ZNF638: variants seen among roughly 807,000 people sequenced by gnomAD.
ZNF638 encodes the protein zinc finger protein 638.
A neutral mutation model predicts 195.6 loss-of-function variants in ZNF638; 46 were observed. The observed-to-expected ratio is 0.24, with a 90% CI of 0.19 to 0.30. ZNF638 has a LOEUF of 0.30. ZNF638 is among the 10% of genes least tolerant of loss of function. The pLI, the probability that ZNF638 is intolerant of heterozygous loss-of-function variation, is 1.00. For synonymous variants in ZNF638, 845 were observed against 772.0 expected (o/e 1.09, Z -1.57); for missense variants, 2,440 against 2,325.3 (o/e 1.05, Z -1.01).
At chr2:71,347,498 C>G (rs2078870287) in intron 1 of ZNF638, among the ~76,000 whole-genome samples, 1 of 152,176 alleles carries the variant, frequency 6.6e-6, no homozygotes, top group Admixed American at 6.5e-5. Context: ...TTGAACCAGA[C>G]AGTGATGGTT....
At chr2:71,402,868 T>C (rs1486599984) in intron 16 of ZNF638, among the ~76,000 whole-genome samples, 1 of 152,100 alleles carries the variant, frequency 6.6e-6, no homozygotes, top group African/African-American at 2.4e-5. Flanking sequence ...GAAAGTAGAA[T>C]AGGATATATG....
chr2:71,372,796 A>G (rs984755910), intron 8 of ZNF638, among the ~76,000 whole-genome samples: 2 of 152,234 alleles, frequency 1.3e-5, no homozygotes, highest in Non-Finnish European at 2.9e-5. Context: ...TAGAGGTTCT[A>G]TAACACACAT....
rs1449433631 is a variant in ZNF638, at chr2:71,363,195, A to G, written c.1418+4A>G. 3 of 1,573,642 alleles carry G rather than the reference A, an allele frequency of 1.9e-6. No individual in the cohort carries two copies. Among genetic ancestry groups the G allele is most frequent in the Non-Finnish European group, 1.7e-6 (2 of 1,153,266 alleles). Reference sequence around the variant, plus strand: ...CTGAGATCCTCCCATCGAGAAGGTAATTTTTAAAAATAGTAATATTATTAA... The same window carrying G: ...CTGAGATCCTCCCATCGAGAAGGTAGTTTTTAAAAATAGTAATATTATTAA... On this transcript the variant is annotated splice_donor_region_variant and intron_variant, in intron 4 of 27. Transcript: ENST00000264447.
intron 8 of ZNF638, among the ~76,000 whole-genome samples, chr2:71,372,782 T>G (rs971761534): frequency 5.3e-5 from 8 of 152,244 alleles, no homozygotes; most frequent in Admixed American, 3.3e-4. Context: ...GAATGGCTAC[T>G]TTATAGAGGT....
chr2:71,386,884 G>A (rs544495592), intron 10 of ZNF638, among the ~76,000 whole-genome samples: 1 of 147,374 alleles, frequency 6.8e-6, no homozygotes, highest in African/African-American at 2.5e-5. Context: ...TTTTTTTTCT[G>A]TTGCCCAGGC....
In ZNF638 at chr2:71,363,146, A is replaced by C; in HGVS notation, c.1380-7A>C. ...CTGTTAGTTAATATTGTTTATTTTC[A>C]AAATAGGTATCCTGATTGGAATCCT... On this transcript the variant is annotated splice_polypyrimidine_tract_variant and splice_region_variant and intron_variant, in intron 3 of 27. Coordinates refer to ENST00000264447, the MANE Select transcript of ZNF638 (RefSeq NM_014497.5). The C allele has an allele frequency of 6.3e-7, 1 of 1,592,642 alleles. No homozygotes were observed.
intron 10 of ZNF638, among the ~76,000 whole-genome samples, chr2:71,389,930 A>G (rs915840411): frequency 3.3e-5 from 5 of 152,232 alleles, no homozygotes; most frequent in African/African-American, 7.2e-5. Context: ...GAGCACGTCA[A>G]CTGGTGGGGA....
chr2:71,365,697 C>G lies in ZNF638; in HGVS notation c.1986C>G (p.Leu662=). The G allele has an allele frequency of 1.2e-6, 2 of 1,608,390 alleles. No individual in the cohort carries two copies. The highest frequency in any genetic ancestry group is 1.7e-6 in the Non-Finnish European group (2 of 1,177,920). The change falls in exon 6 of 28, where the codon CTC becomes CTG. Residue 662 remains leucine, a synonymous_variant. Transcript: ENST00000264447. ...AGGTGTCTGATAAAGCTGTTTCTCT[C>G]CAGCGAAAGGTAATTCTTTAATTAA... is the stretch of plus-strand genomic sequence containing the variant. ...CKQVSDKAVS[L]QRKLRKEQSL...
intron 8 of ZNF638, among the ~76,000 whole-genome samples, chr2:71,373,021 T>C (rs1300276859): frequency 6.6e-6 from 1 of 152,224 alleles, no homozygotes; most frequent in Non-Finnish European, 1.5e-5. Context: ...GTTTTTTAGG[T>C]GATACCTACC....
chr2:71,434,821 A>C lies in ZNF638; in HGVS notation c.*14A>C, dbSNP rs772847655. 3 of 1,583,514 alleles carry C rather than the reference A, an allele frequency of 1.9e-6. No individual in the cohort carries two copies. The highest frequency in any genetic ancestry group is 1.9e-5 in the Admixed American group (1 of 52,836). The stretch of plus-strand genomic sequence containing the variant: ...AGCTCTAGGTGATTGGGGGAAAGGA[A>C]AGAATTCACTAGAAATTTGTTTAGG... On this transcript the variant is annotated 3_prime_UTR_variant, in exon 28 of 28. Transcript: ENST00000264447.
chr2:71,332,763 A>G (rs2078595490), intron 1 of ZNF638: 2 of 152,330 alleles, frequency 1.3e-5, no homozygotes, highest in South Asian at 4.1e-4. Flanking sequence ...TTACAAAATC[A>G]TGGATTGAGC....
intron 2 of ZNF638, among the ~76,000 whole-genome samples, chr2:71,353,243 T>C (rs2078971723): frequency 6.6e-6 from 1 of 152,234 alleles, no homozygotes; most frequent in South Asian, 2.1e-4. Context: ...ACGTGAAATG[T>C]ATTTGCTTGT....
chr2:71,419,962 A>ACCCCCC (rs11374629), intron 21 of ZNF638, among the ~76,000 whole-genome samples: 4 of 28,492 alleles, frequency 1.4e-4, no homozygotes, highest in Non-Finnish European at 2.4e-4. Flanking sequence ...CTTAATTCCC[A>ACCCCCC]CCCCCCCCCG....
chr2:71,349,865 T>C lies in ZNF638; in HGVS notation c.911T>C (p.Val304Ala). 6.2e-7 allele frequency: 1 copy of C among 1,614,146 alleles called. No homozygotes were observed. Among genetic ancestry groups the C allele is most frequent in the Non-Finnish European group, 8.5e-7 (1 of 1,180,026 alleles). Residue 304 changes from valine (V) to alanine (A), a missense_variant, in exon 2 of 28, where the codon GTC becomes GCC. Physicochemically the swap from Val to Ala is moderately conservative, Grantham distance 64. Coordinates refer to ENST00000264447, the MANE Select transcript of ZNF638 (RefSeq NM_014497.5). ...SGLHISGGQS[V>A]LEPIKSVNQS... Reference sequence around the variant, plus strand: ...TTACACATTTCAGGAGGACAGTCAGTCCTTGAACCCATAAAATCCGTCAAC... The same window carrying C: ...TTACACATTTCAGGAGGACAGTCAGCCCTTGAACCCATAAAATCCGTCAAC...
chr2:71,429,392 A>G (rs2080608496), intron 25 of ZNF638, among the ~76,000 whole-genome samples: 1 of 152,144 alleles, frequency 6.6e-6, no homozygotes, highest in Non-Finnish European at 1.5e-5. Flanking sequence ...ACTATTTCCT[A>G]ACCAGATGTA....
chr2:71,363,830 A>G lies in ZNF638; in HGVS notation c.1419-124A>G, dbSNP rs543245594. On this transcript the variant is annotated intron_variant, in intron 4 of 27. Transcript: ENST00000264447. ...ACAAACAGATTTTTGTTTTAAGTACATATCTTTTATGAGAGTTTGGTATTG... is the reference window on the plus strand; with the variant it reads ...ACAAACAGATTTTTGTTTTAAGTACGTATCTTTTATGAGAGTTTGGTATTG... 44 of 1,220,616 alleles carry G rather than the reference A, an allele frequency of 3.6e-5. No individual in the cohort carries two copies. The East Asian group carries it at 9.2e-4, about 26-fold the overall frequency. 75.6% of individuals were successfully genotyped at this position (1,220,616 alleles called of 1,614,324 possible).
intron 20 of ZNF638, chr2:71,408,683 T>G (rs919203692): frequency 7.2e-6 from 3 of 419,046 alleles, no homozygotes; most frequent in African/African-American, 6.3e-5. Flanking sequence ...TACACAGTAG[T>G]ACATGTAGGA....
chr2:71,362,949 T>C (rs72839794), intron 3 of ZNF638, among the ~76,000 whole-genome samples: 8,133 of 152,264 alleles, frequency 0.053, 317 homozygotes, highest in Middle Eastern at 0.11. Flanking sequence ...TAAATGAAAG[T>C]TTAGGCCTTT....
chr2:71,390,547 TAA>T (rs1323415278), intron 10 of ZNF638, among the ~76,000 whole-genome samples: 2 of 152,104 alleles, frequency 1.3e-5, no homozygotes, highest in African/African-American at 4.8e-5. Flanking sequence ...CCCCTAAATC[TAA>T]AATAGCTCAG....
Sources: gnomAD v4.1 joint callset for allele counts (sites outside exome capture counted in the v4.1 genomes callset) on GRCh38, gnomAD v4.1.1 for gene constraint, MANE v1.5 for transcripts, NCBI Gene and HGNC (gene_info 2026-07-23, HGNC 2026-07-21) for gene names.